Variants in TRANK1 observed in about 807,000 individuals in gnomAD.
The protein encoded by TRANK1 is tetratricopeptide repeat and ankyrin repeat containing 1, also known as TPR and ankyrin repeat-containing protein 1.
Under a neutral mutation model 266.0 loss-of-function variants are expected in TRANK1, and 198 were observed. The ratio of observed to expected loss-of-function variants is 0.74; its 90% CI spans 0.66 to 0.84. TRANK1 has a LOEUF of 0.84. Ranked by LOEUF, TRANK1 falls within the 40% of genes least tolerant of loss-of-function variation. The probability of loss-of-function intolerance (pLI) is 0.00; values close to 1 mark genes in which losing one functional copy is unlikely to be tolerated. For synonymous variants in TRANK1, 1,396 were observed against 1,384.1 expected (o/e 1.01, Z -0.19); for missense variants, 3,326 against 3,634.6 (o/e 0.92, Z 2.18).
chr3:36,921,058 G>C (rs879723166), intron 1 of TRANK1, among the ~76,000 whole-genome samples: 2 of 152,112 alleles, frequency 1.3e-5, no homozygotes. Flanking sequence ...GCTCCATCCT[G>C]ACTCATCCTG....
intron 18 of TRANK1, among the ~76,000 whole-genome samples, chr3:36,839,420 G>A (rs2078813458): frequency 6.6e-6 from 1 of 152,222 alleles, no homozygotes; most frequent in African/African-American, 2.4e-5. Context: ...TTAGGTCTCA[G>A]TGTGGGCAAG....
Position 36,903,239 on chromosome 3 carries a change from G to A in TRANK1, c.192C>T (p.Asn64=). 6.5e-7 allele frequency: 1 copy of A among 1,537,300 alleles called. No homozygotes were observed. Among genetic ancestry groups the A allele is most frequent in the South Asian group, 1.2e-5 (1 of 84,062 alleles). Residue 64 remains asparagine (N), a synonymous_variant, in exon 3 of 24, where the codon AAC becomes AAT. Coordinates refer to ENST00000645898, the MANE Select transcript of TRANK1 (RefSeq NM_001329998.2). ...PPRDLAVLLC[N]KSNAFFSLGK... ...CAAGGCTGAAAAATGCATTTGATTT[G>A]TTGCACAGCAGCACAGCCAAGTCCC...
rs1419851364 is a variant in TRANK1 at position 36,856,727 on chromosome 3, C to T, written c.2995G>A (p.Asp999Asn). Residue 999 changes from aspartate (D) to asparagine (N), a missense_variant, in exon 13 of 24, where the codon GAC becomes AAC. Asp to Asn is a conservative substitution (Grantham distance 23). Transcript: ENST00000645898. ...QKRIPRCYVE[D>N]TEAEKGREHV... ...TCCCTGCCCTTCTCGGCCTCTGTGT[C>T]CTCCACATAGCAGCGAGGTATACGC... is the stretch of plus-strand genomic sequence containing the variant. 3 of 1,614,050 alleles carry T rather than the reference C, an allele frequency of 1.9e-6. No individual in the cohort carries two copies. The highest frequency in any genetic ancestry group is 2.5e-6 in the Non-Finnish European group (3 of 1,179,896).
At chr3:36,894,770 G>A (rs1238273926) in intron 5 of TRANK1, among the ~76,000 whole-genome samples, 1 of 152,150 alleles carries the variant, frequency 6.6e-6, no homozygotes, top group African/African-American at 2.4e-5. Flanking sequence ...GTCCTTAATA[G>A]GTTGCCCTTG....
intron 7 of TRANK1, among the ~76,000 whole-genome samples, chr3:36,891,137 T>C (rs1335103270): frequency 6.6e-6 from 1 of 152,082 alleles, no homozygotes; most frequent in African/African-American, 2.4e-5. Context: ...ATCAGGAGTT[T>C]GAGACCAGCC....
Position 36,892,882 on chromosome 3 carries a change from GATATAT to G in TRANK1, c.636+13_636+18del. On this transcript the variant is annotated intron_variant, in intron 6 of 23. Transcript: ENST00000645898. ...ATATATATATATATAGATATATATAGATATATATATCACCTTACCTCAAAGAGACTT... is the reference window on the plus strand; with the variant it reads ...ATATATATATATATAGATATATATAGATATCACCTTACCTCAAAGAGACTT... 1.1e-6 allele frequency: 1 copy of G among 896,152 alleles called. No homozygotes were observed. Among genetic ancestry groups the G allele is most frequent in the Non-Finnish European group, 1.5e-6 (1 of 651,198 alleles). 55.5% of individuals were successfully genotyped at this position (896,152 alleles called of 1,614,324 possible).
At chr3:36,850,298 T>C (rs974141055) in intron 15 of TRANK1, 1 of 985,266 alleles carries the variant, frequency 1.0e-6, no homozygotes. Context: ...AGGAAAGGAA[T>C]GTACATAAGG....
chr3:36,887,985 C>A (rs549474212), intron 8 of TRANK1, among the ~76,000 whole-genome samples: 4 of 152,140 alleles, frequency 2.6e-5, no homozygotes. Context: ...CCATATGATC[C>A]GGCAATTCTA....
chr3:36,891,346 A>T (rs1044882310), intron 7 of TRANK1, among the ~76,000 whole-genome samples: 3 of 152,202 alleles, frequency 2.0e-5, no homozygotes, highest in Non-Finnish European at 2.9e-5. Context: ...CAGTCTCAAA[A>T]AAAAAATCTC....
intron 1 of TRANK1, among the ~76,000 whole-genome samples, chr3:36,913,968 T>C (rs953326442): frequency 6.6e-6 from 1 of 152,152 alleles, no homozygotes; most frequent in Non-Finnish European, 1.5e-5. Flanking sequence ...CCCAACTACA[T>C]GCACACCAAA....
rs2078687235 is a variant in TRANK1, at chr3:36,831,108, T to C, written c.8475A>G (p.Glu2825=). ...AGGCCACTTGCTGCCTCTGGTGGTGTTCTAGATGGATATGCTGCTCGTAAG... is the reference window on the plus strand; with the variant it reads ...AGGCCACTTGCTGCCTCTGGTGGTGCTCTAGATGGATATGCTGCTCGTAAG... ...SESYEQHIHL[E]HHQRQQVAYQ... Residue 2825 remains glutamate, a synonymous_variant, in exon 22 of 24, where the codon GAA becomes GAG. Transcript: ENST00000645898. This position sits in a 1 kb window ranked among gnomAD's most constrained non-coding sequence, Gnocchi z 5.0. 1 of 1,613,948 alleles carries C rather than the reference T, an allele frequency of 6.2e-7. No individual in the cohort carries two copies. Among genetic ancestry groups the C allele is most frequent in the Middle Eastern group, 1.6e-4 (1 of 6,062 alleles).
rs561104766 is a variant in TRANK1 at position 36,931,990 on chromosome 3, A to C, written c.23+12797T>G. ...ATTGGGAGGGTGGGGCAGAGAACAC[A>C]GGAGAGAGACTTTTCTTCATAACCT... On this transcript the variant is annotated intron_variant, in intron 1 of 23. Transcript: ENST00000645898. Among the ~76,000 whole-genome samples, 5 of 152,356 alleles carry C rather than the reference A, an allele frequency of 3.3e-5. No individual in the cohort carries two copies. In the East Asian group the frequency reaches 9.6e-4, roughly 29 times the overall value.
intron 9 of TRANK1, among the ~76,000 whole-genome samples, chr3:36,865,660 TCAGGAGTTCAAGA>T (rs1038324686): frequency 1.3e-5 from 2 of 152,014 alleles, no homozygotes; most frequent in African/African-American, 4.8e-5. Flanking sequence ...TTGCTTGAGC[TCAGGAGTTCAAGA>T]CCAGCCTGAG....
At chr3:36,925,975 C>G (rs2080283044) in intron 1 of TRANK1, among the ~76,000 whole-genome samples, 1 of 152,090 alleles carries the variant, frequency 6.6e-6, no homozygotes. Context: ...GCAGCTTCAC[C>G]CTCTTAATAT....
At chr3:36,867,452 C>T (rs2079242954) in intron 9 of TRANK1, among the ~76,000 whole-genome samples, 1 of 152,070 alleles carries the variant, frequency 6.6e-6, no homozygotes, top group Admixed American at 6.5e-5. Context: ...TATAGATGAG[C>T]GAAAGATTCA....
At chr3:36,866,133 T>C (rs565507624) in intron 9 of TRANK1, among the ~76,000 whole-genome samples, 1 of 147,138 alleles carries the variant, frequency 6.8e-6, no homozygotes, top group Non-Finnish European at 1.5e-5. Context: ...CGATGAAGTG[T>C]TGGAAAAAAT....
At chr3:36,870,961 C>CT (rs2079298839) in intron 9 of TRANK1, among the ~76,000 whole-genome samples, 1 of 26,730 alleles carries the variant, frequency 3.7e-5, no homozygotes, top group Non-Finnish European at 7.6e-5. Flanking sequence ...TACAAGGAAA[C>CT]TAAAAAAAAA....
intron 1 of TRANK1, among the ~76,000 whole-genome samples, chr3:36,924,643 A>G (rs2080262425): frequency 6.6e-6 from 1 of 152,212 alleles, no homozygotes; most frequent in South Asian, 2.1e-4. Context: ...CGCAGAGACA[A>G]AAACCAGGCT....
At position 36,834,029 on chromosome 3, in the gene TRANK1, T is replaced by C. The variant is rs1339399983; in HGVS notation, c.5664-110A>G. The C allele has an allele frequency of 5.3e-6, 6 of 1,133,470 alleles. No individual in the cohort carries two copies. In the South Asian group the frequency reaches 7.2e-5, roughly 14 times the overall value. The allele number at this position is 1,133,470 out of a possible 1,614,324, so 70.2% of individuals were successfully genotyped here. ...AAATAAAACTCCCACATGTAGATATTACAAAATAAAACCTAAACTTGTCAA... is the reference window on the plus strand; with the variant it reads ...AAATAAAACTCCCACATGTAGATATCACAAAATAAAACCTAAACTTGTCAA... On this transcript the variant is annotated intron_variant, in intron 21 of 23. Coordinates refer to ENST00000645898, the MANE Select transcript of TRANK1 (RefSeq NM_001329998.2).
Sources: gnomAD v4.1 joint callset for allele counts (sites outside exome capture counted in the v4.1 genomes callset) on GRCh38, gnomAD v4.1.1 for gene constraint, Gnocchi (gnomAD v3.1) non-coding constraint, MANE v1.5 for transcripts, NCBI Gene and HGNC (gene_info 2026-07-23, HGNC 2026-07-21) for gene names.